The following SLC8A1 variants were observed in gnomAD, a reference collection of about 807,000 sequenced individuals.
SLC8A1 encodes the protein solute carrier family 8 member A1, also known as sodium/calcium exchanger 1.
Under a neutral mutation model 68.3 loss-of-function variants are expected in SLC8A1, and 18 were observed. The ratio of observed to expected loss-of-function variants is 0.26; its 90% CI spans 0.18 to 0.39. The LOEUF is 0.39. Among genes scored for constraint, SLC8A1 ranks in the 10% least tolerant of loss-of-function variants. The pLI is 1.00. For synonymous variants in SLC8A1, 475 were observed against 415.5 expected (o/e 1.14, Z -1.74); for missense variants, 985 against 1,156.7 (o/e 0.85, Z 2.15).
chr2:40,499,551 C>T (rs769379864), intron 1 of SLC8A1, among the ~76,000 whole-genome samples: 1 of 152,042 alleles, frequency 6.6e-6, no homozygotes, highest in Admixed American at 6.6e-5. Flanking sequence ...AAGTATTGGT[C>T]ATTTGTAAGC....
chr2:40,494,017 T>G (rs910241577), intron 1 of SLC8A1, among the ~76,000 whole-genome samples: 4 of 151,982 alleles, frequency 2.6e-5, no homozygotes. Context: ...GGATAAACTT[T>G]TTTTTTTCCT....
intron 2 of SLC8A1, among the ~76,000 whole-genome samples, chr2:40,337,810 G>A (rs970946386): frequency 4.6e-5 from 7 of 152,174 alleles, no homozygotes; most frequent in Middle Eastern, 6.8e-3. Flanking sequence ...TACATCTTCC[G>A]AAGTACAGGA....
At chr2:40,423,196 C>A (rs1014736971) in intron 2 of SLC8A1, among the ~76,000 whole-genome samples, 2 of 152,006 alleles carry the variant, frequency 1.3e-5, no homozygotes, top group Non-Finnish European at 2.9e-5. Context: ...ATTGAAACTG[C>A]CCATACTCTT....
exon 1 of SLC8A1, chr2:40,451,987 T>C (rs1335338963): frequency 6.6e-6 from 1 of 151,738 alleles, no homozygotes; most frequent in East Asian, 1.9e-4. Flanking sequence ...TTTAAACAGC[T>C]CCCGATCAGG....
chr2:40,502,941 G>A lies in SLC8A1; in HGVS notation c.-25+9408C>T, dbSNP rs116735073. On this transcript the variant is annotated intron_variant, in intron 1 of 7. Coordinates refer to the SLC8A1 transcript ENST00000402441. ...CTCATACCTAAAAGCTCGAGCAATA[G>A]CAAAACCCTAATAGAGATTAGGCTA... Among the ~76,000 whole-genome samples the A allele has an allele frequency of 3.9e-3, 594 of 152,012 alleles. 5 individuals carry two copies. Among genetic ancestry groups the A allele is most frequent in the African/African-American group, 0.014 (581 of 41,502 alleles).
chr2:40,104,417 A>G (rs1248295043), exon 8 of SLC8A1: 6 of 152,218 alleles, frequency 3.9e-5, no homozygotes, highest in Non-Finnish European at 7.3e-5. Flanking sequence ...GCTCATGGTA[A>G]TCTCTGGATG....
At chr2:40,363,687 C>G (rs1409088610) in intron 2 of SLC8A1, among the ~76,000 whole-genome samples, 1 of 152,096 alleles carries the variant, frequency 6.6e-6, no homozygotes, top group Non-Finnish European at 1.5e-5. Flanking sequence ...CAAAAGACTT[C>G]CTTTAAATTT....
chr2:40,266,076 T>C (rs887450929), intron 2 of SLC8A1, among the ~76,000 whole-genome samples: 3 of 152,206 alleles, frequency 2.0e-5, no homozygotes, highest in Admixed American at 2.0e-4. Flanking sequence ...TCTTAGGTTT[T>C]TGTTCCCCCA....
At chr2:40,420,669 T>G (rs1695241885) in intron 2 of SLC8A1, among the ~76,000 whole-genome samples, 1 of 152,054 alleles carries the variant, frequency 6.6e-6, no homozygotes, top group Non-Finnish European at 1.5e-5. Flanking sequence ...GGGCACGGGG[T>G]GCAATGTGGT....
intron 2 of SLC8A1, among the ~76,000 whole-genome samples, chr2:40,239,050 A>AG (rs1441371850): frequency 1.1e-5 from 1 of 89,796 alleles, no homozygotes; most frequent in Non-Finnish European, 3.0e-5. Context: ...AAATTGCAGC[A>AG]GAAAAAAAAA....
At chr2:40,238,886 A>G (rs1443739470) in intron 2 of SLC8A1, among the ~76,000 whole-genome samples, 1 of 152,132 alleles carries the variant, frequency 6.6e-6, no homozygotes, top group Non-Finnish European at 1.5e-5. Context: ...TTGCAGTGAA[A>G]TTTACCTTTA....
At chr2:40,257,466 G>A (rs2064103711) in intron 2 of SLC8A1, among the ~76,000 whole-genome samples, 1 of 151,162 alleles carries the variant, frequency 6.6e-6, no homozygotes, top group Non-Finnish European at 1.5e-5. Context: ...CCTCTAGGCA[G>A]CCTAGTTTAT....
At position 40,388,742 on chromosome 2, in the gene SLC8A1, A is replaced by C. The variant is rs547292814; in HGVS notation, c.1808+39731T>G. ...TGCTCTTTTGGTGATGTGCAAAACA[A>C]AGAGAACTCTAAAACATTCTGTTAA... On this transcript the variant is annotated intron_variant, in intron 2 of 7. Transcript: ENST00000406785. 6.6e-5 allele frequency among the ~76,000 whole-genome samples: 10 copies of C among 152,326 alleles called. No homozygotes were observed. In the East Asian group the frequency reaches 1.9e-3, roughly 29 times the overall value.
At chr2:40,413,146 T>C (rs551682284) in intron 2 of SLC8A1, among the ~76,000 whole-genome samples, 2 of 152,312 alleles carry the variant, frequency 1.3e-5, no homozygotes, top group East Asian at 3.9e-4. Flanking sequence ...ATTTTTACAC[T>C]GTTGGTGGGA....
At chr2:40,492,519 C>G (rs1260818155) in intron 1 of SLC8A1, among the ~76,000 whole-genome samples, 8 of 151,798 alleles carry the variant, frequency 5.3e-5, no homozygotes, top group Non-Finnish European at 8.8e-5. Flanking sequence ...TAAAGAGCTT[C>G]TGCACAGCAA....
At chr2:40,140,619 A>G (rs2041373608) in intron 6 of SLC8A1, among the ~76,000 whole-genome samples, 1 of 152,250 alleles carries the variant, frequency 6.6e-6, no homozygotes, top group Non-Finnish European at 1.5e-5. Context: ...ATACTGATGC[A>G]TGGTCAAGTT....
intron 1 of SLC8A1, among the ~76,000 whole-genome samples, chr2:40,437,433 T>A (rs1215820256): frequency 6.6e-6 from 1 of 152,098 alleles, no homozygotes; most frequent in East Asian, 1.9e-4. Context: ...AGATGATCCA[T>A]GTGAAGGATC....
At chr2:40,463,839 TACAC>T (rs761954909) in intron 1 of SLC8A1, among the ~76,000 whole-genome samples, 8,597 of 123,044 alleles carry the variant, frequency 0.07, 297 homozygotes, top group African/African-American at 0.096. Context: ...CACACACACA[TACAC>T]ACACACACAC....
chr2:40,155,144 T>A (rs1194652183), intron 6 of SLC8A1, among the ~76,000 whole-genome samples: 6 of 150,888 alleles, frequency 4.0e-5, no homozygotes, highest in Admixed American at 3.3e-4. Context: ...TATTATTATT[T>A]TTTGAGATGG....
Sources: allele counts gnomAD v4.1 joint callset (sites outside exome capture counted in the v4.1 genomes callset), GRCh38; gene constraint gnomAD v4.1.1; transcripts MANE v1.5; gene names NCBI Gene and HGNC (gene_info 2026-07-23, HGNC 2026-07-21).